Variants in PABPC4L observed in about 807,000 individuals in gnomAD.
The protein encoded by PABPC4L is poly(A) binding protein cytoplasmic 4 like, also known as polyadenylate-binding protein 4-like.
For synonymous variants in PABPC4L, 169 were observed against 164.1 expected, an observed-to-expected ratio of 1.03 and a Z score of -0.23; for missense variants, 452 against 451.4, an observed-to-expected ratio of 1.00 and a Z score of -0.01.
At chr4:134,100,991 T>A in the PABPC4L span, among the ~76,000 whole-genome samples, 3 of 151,078 alleles carry the variant, frequency 2.0e-5, no homozygotes, top group East Asian at 5.8e-4. Flanking sequence ...AAATACATAT[T>A]TCCCATCAAA....
chr4:134,077,891 C>A, the PABPC4L span, among the ~76,000 whole-genome samples: 3 of 152,158 alleles, frequency 2.0e-5, no homozygotes, highest in Admixed American at 1.3e-4. Context: ...AAATATTTAT[C>A]TTTAACTAAA....
chr4:134,015,875 C>T, the PABPC4L span, among the ~76,000 whole-genome samples: 4 of 152,278 alleles, frequency 2.6e-5, no homozygotes, highest in African/African-American at 9.6e-5. Context: ...GCTCAACTCA[C>T]TCTCTACAGT....
At chr4:134,024,891 T>G in the PABPC4L span, among the ~76,000 whole-genome samples, 1 of 148,476 alleles carries the variant, frequency 6.7e-6, no homozygotes, top group South Asian at 2.2e-4. Flanking sequence ...CACCTTAACC[T>G]GCTGTGTAGC....
chr4:134,037,586 C>T, the PABPC4L span, among the ~76,000 whole-genome samples: 2 of 151,962 alleles, frequency 1.3e-5, no homozygotes, highest in African/African-American at 4.8e-5. Context: ...GCAAATAATT[C>T]CATTGAAAAG....
In PABPC4L at chr4:134,200,752, C is replaced by T; in HGVS notation, c.268G>A (p.Ala90Thr). The stretch of plus-strand genomic sequence containing the variant: ...CCAATTCCAGATCTCCTCAAGTAGG[C>T]ATCGCGCTGAGACCACATGAGACGG... ...SIRLMWSQRD[A>T]YLRRSGIGNV... is the part of the protein sequence containing the mutation. Residue 90 changes from alanine (A) to threonine (T), a missense_variant, in exon 2 of 2, where the codon GCC (alanine) becomes ACC (threonine). Ala to Thr is a moderately conservative substitution (Grantham distance 58). Coordinates refer to ENST00000421491, the MANE Select transcript of PABPC4L (RefSeq NM_001114734.2). The T allele has an allele frequency of 1.3e-6, 2 of 1,551,742 alleles. No individual in the cohort carries two copies. Among genetic ancestry groups the T allele is most frequent in the Non-Finnish European group, 1.7e-6 (2 of 1,146,994 alleles).
the PABPC4L span, among the ~76,000 whole-genome samples, chr4:133,982,714 C>G: frequency 0.015 from 2,238 of 152,034 alleles, 59 homozygotes; most frequent in African/African-American, 0.052. Context: ...GCAAAATAGT[C>G]ATGGTTGCAT....
the PABPC4L span, among the ~76,000 whole-genome samples, chr4:134,133,540 A>ACAACAAAGT: frequency 6.6e-6 from 1 of 150,780 alleles, no homozygotes; most frequent in Non-Finnish European, 1.5e-5. Context: ...AGCAACTTGA[A>ACAACAAAGT]TGGAATTGCA....
the PABPC4L span, among the ~76,000 whole-genome samples, chr4:134,110,745 C>G: frequency 6.6e-6 from 1 of 151,822 alleles, no homozygotes; most frequent in African/African-American, 2.4e-5. Context: ...TAAATCATCT[C>G]TAGATTACTT....
At chr4:134,170,491 C>G in the PABPC4L span, among the ~76,000 whole-genome samples, 1 of 152,018 alleles carries the variant, frequency 6.6e-6, no homozygotes, top group Non-Finnish European at 1.5e-5. Context: ...ATAGGCTGTA[C>G]AGGAAGCATG....
At chr4:134,059,307 T>C in the PABPC4L span, among the ~76,000 whole-genome samples, 1 of 150,914 alleles carries the variant, frequency 6.6e-6, no homozygotes. Flanking sequence ...TTGAGTAAAG[T>C]CTTATCATAC....
downstream of PABPC4L, among the ~76,000 whole-genome samples, chr4:134,195,646 A>T (rs2125706422): frequency 6.6e-6 from 1 of 151,856 alleles, no homozygotes; most frequent in African/African-American, 2.4e-5. Context: ...TCTCTACTAC[A>T]GTTAAGAATG....
the PABPC4L span, among the ~76,000 whole-genome samples, chr4:134,021,905 A>G: frequency 6.6e-6 from 1 of 152,104 alleles, no homozygotes; most frequent in Non-Finnish European, 1.5e-5. Flanking sequence ...ACTGCAAGTT[A>G]ATGAGCTTCA....
chr4:134,167,224 T>C, the PABPC4L span, among the ~76,000 whole-genome samples: 1 of 152,042 alleles, frequency 6.6e-6, no homozygotes, highest in Non-Finnish European at 1.5e-5. Flanking sequence ...GTTAATGATG[T>C]ATTATGACAG....
the PABPC4L span, among the ~76,000 whole-genome samples, chr4:134,065,382 C>T: frequency 5.9e-5 from 9 of 151,950 alleles, no homozygotes; most frequent in Admixed American, 1.3e-4. Flanking sequence ...GTTGGCTGTA[C>T]GTATGTCTTC....
At chr4:133,990,155 G>A in the PABPC4L span, among the ~76,000 whole-genome samples, 2 of 152,026 alleles carry the variant, frequency 1.3e-5, no homozygotes, top group African/African-American at 4.8e-5. Flanking sequence ...ACACCTTATT[G>A]CACATCACAA....
the PABPC4L span, among the ~76,000 whole-genome samples, chr4:134,000,642 G>A: frequency 4.1e-4 from 62 of 152,210 alleles, 1 homozygote; most frequent in African/African-American, 1.5e-3. Flanking sequence ...GAAAAGATTA[G>A]CATTTGAATT....
chr4:134,022,780 C>T, the PABPC4L span, among the ~76,000 whole-genome samples: 4 of 151,976 alleles, frequency 2.6e-5, no homozygotes, highest in East Asian at 1.9e-4. Context: ...ATGCTTTTCC[C>T]GGGGCATGCA....
At chr4:134,127,364 A>G in the PABPC4L span, among the ~76,000 whole-genome samples, 1 of 152,058 alleles carries the variant, frequency 6.6e-6, no homozygotes, top group South Asian at 2.1e-4. Context: ...CAGTGTACTA[A>G]ACAAAAAATC....
chr4:134,004,826 A>G, the PABPC4L span, among the ~76,000 whole-genome samples: 144 of 152,018 alleles, frequency 9.5e-4, no homozygotes, highest in African/African-American at 3.3e-3. Context: ...ATGAGTCTGG[A>G]GGATATTATG....
Sources: gnomAD v4.1 joint callset for allele counts (sites outside exome capture counted in the v4.1 genomes callset) on GRCh38, gnomAD v4.1.1 for gene constraint, MANE v1.5 for transcripts, NCBI Gene and HGNC (gene_info 2026-07-23, HGNC 2026-07-21) for gene names.